Variants in RBPJ observed in about 807,000 individuals in gnomAD.
The protein encoded by RBPJ is recombination signal binding protein for immunoglobulin kappa J region.
RBPJ carries 9 observed loss-of-function variants against 67.8 expected under a neutral mutation model. The observed-to-expected ratio is 0.13, with a 90% CI of 0.08 to 0.23. RBPJ has a LOEUF of 0.23. Ranked by LOEUF, RBPJ falls within the 10% of genes least tolerant of loss-of-function variation. The pLI, the probability that RBPJ is intolerant of heterozygous loss-of-function variation, is 1.00. For missense variants in RBPJ, 305 were observed against 595.6 expected (o/e 0.51, Z 5.08); for synonymous variants, 198 against 203.3 (o/e 0.97, Z 0.22).
intron 1 of RBPJ, among the ~76,000 whole-genome samples, chr4:26,210,008 C>A (rs1394692524): frequency 6.6e-6 from 1 of 152,020 alleles, no homozygotes; most frequent in Non-Finnish European, 1.5e-5. Context: ...AACAATCTTG[C>A]CACCCTAAAA....
chr4:26,109,410 TCCTCTCTCTCTCTCCCTCTCTCTC>T, the RBPJ span, among the ~76,000 whole-genome samples: 1 of 76,400 alleles, frequency 1.3e-5, no homozygotes, highest in African/African-American at 4.7e-5. Context: ...CTGTCCACCT[TCCTCTCTCTCTCTCCCTCTCTCTC>T]TCTCTCTCTC....
intron 1 of RBPJ, among the ~76,000 whole-genome samples, chr4:26,242,444 C>T (rs1306844468): frequency 8.5e-6 from 1 of 117,880 alleles, no homozygotes; most frequent in African/African-American, 3.4e-5. Context: ...GAGACTCTGT[C>T]TCAAAAAAAA....
At chr4:26,416,436 C>T (rs1164484408) in intron 4 of RBPJ, among the ~76,000 whole-genome samples, 1 of 152,070 alleles carries the variant, frequency 6.6e-6, no homozygotes, top group Non-Finnish European at 1.5e-5. Context: ...CGCCATGTTA[C>T]CTAGGCTGGT....
chr4:26,186,949 A>G (rs1349127203), intron 1 of RBPJ, among the ~76,000 whole-genome samples: 1 of 152,136 alleles, frequency 6.6e-6, no homozygotes, highest in Non-Finnish European at 1.5e-5. Flanking sequence ...GGCCTGGCGC[A>G]GTGGACCACG....
chr4:26,214,428 AAAAG>A (rs556577717), intron 1 of RBPJ, among the ~76,000 whole-genome samples: 151 of 140,042 alleles, frequency 1.1e-3, no homozygotes, highest in Non-Finnish European at 1.8e-3. Flanking sequence ...AAGAAAGAGA[AAAAG>A]AGAGAGAAAG....
chr4:26,145,171 C>CTCGT, the RBPJ span, among the ~76,000 whole-genome samples: 50,692 of 151,736 alleles, frequency 0.33, 9,393 homozygotes, highest in East Asian at 0.53. Context: ...ATACAAGCTG[C>CTCGT]TCGTCCCAGA....
At chr4:26,377,716 A>T (rs912008389) in intron 1 of RBPJ, among the ~76,000 whole-genome samples, 3 of 152,136 alleles carry the variant, frequency 2.0e-5, no homozygotes, top group East Asian at 1.9e-4. Flanking sequence ...TTACTGAGAC[A>T]TTTTTTTCTG....
intron 1 of RBPJ, among the ~76,000 whole-genome samples, chr4:26,373,520 A>G (rs553698254): frequency 6.6e-6 from 1 of 152,356 alleles, no homozygotes; most frequent in South Asian, 2.1e-4. Flanking sequence ...TTGGCTGCTA[A>G]GAAATTGGCC....
intron 1 of RBPJ, among the ~76,000 whole-genome samples, chr4:26,218,901 C>T (rs1342897165): frequency 1.3e-5 from 2 of 152,184 alleles, no homozygotes; most frequent in African/African-American, 4.8e-5. Flanking sequence ...TACCCTGCCT[C>T]TCAGTACCAG....
intron 1 of RBPJ, among the ~76,000 whole-genome samples, chr4:26,265,110 T>C (rs1364037752): frequency 6.6e-6 from 1 of 152,198 alleles, no homozygotes; most frequent in Non-Finnish European, 1.5e-5. Context: ...AGTTTGTCAA[T>C]AATTTTCTTT....
chr4:26,346,719 C>T (rs905023860), intron 1 of RBPJ, among the ~76,000 whole-genome samples: 2 of 152,082 alleles, frequency 1.3e-5, no homozygotes, highest in Admixed American at 6.6e-5. Context: ...CCGGGCGCTG[C>T]GGCTCAGGAC....
At chr4:26,346,284 T>C (rs1726133292) in intron 1 of RBPJ, among the ~76,000 whole-genome samples, 1 of 152,198 alleles carries the variant, frequency 6.6e-6, no homozygotes, top group Admixed American at 6.5e-5. Context: ...AGGAAAAGAC[T>C]GGCGACTGCG....
chr4:26,357,334 G>A (rs767869641), intron 1 of RBPJ, among the ~76,000 whole-genome samples: 5 of 152,196 alleles, frequency 3.3e-5, no homozygotes, highest in Admixed American at 2.0e-4. Flanking sequence ...TCAAACTCAA[G>A]TAGTGTTACA....
the RBPJ span, among the ~76,000 whole-genome samples, chr4:26,122,007 A>G: frequency 2.6e-5 from 4 of 151,244 alleles, no homozygotes; most frequent in Non-Finnish European, 2.9e-5. Flanking sequence ...CATTCAAATG[A>G]TTACATTCTC....
At chr4:26,262,147 G>A (rs1720560073) in intron 1 of RBPJ, among the ~76,000 whole-genome samples, 2 of 151,958 alleles carry the variant, frequency 1.3e-5, no homozygotes, top group Non-Finnish European at 1.5e-5. Context: ...GTTTTGCCAT[G>A]TTGCCCAGGC....
chr4:26,214,639 GAA>G (rs140541150), intron 1 of RBPJ, among the ~76,000 whole-genome samples: 25 of 130,578 alleles, frequency 1.9e-4, no homozygotes, highest in Non-Finnish European at 3.4e-4. Flanking sequence ...GAAAGAAAAA[GAA>G]AAAAGAAAGA....
chr4:26,222,110 C>T lies in RBPJ; in HGVS notation c.-167+58496C>T, dbSNP rs567156184. Among the ~76,000 whole-genome samples, 15 of 152,346 alleles carry T rather than the reference C, an allele frequency of 9.8e-5. No individual in the cohort carries two copies. The South Asian group carries it at 3.1e-3, about 32-fold the overall frequency. On this transcript the variant is annotated intron_variant, in intron 1 of 4. Transcript: ENST00000512351. ...GATGACACTCCAGTGTGTCTCCTAT[C>T]TCCTATCTCAGGACATGTTGTAAAA...
chr4:26,277,935 C>A (rs1021400859), intron 1 of RBPJ, among the ~76,000 whole-genome samples: 2 of 152,126 alleles, frequency 1.3e-5, no homozygotes, highest in African/African-American at 4.8e-5. Context: ...CAATCAATGC[C>A]TTTTTTCCAA....
At chr4:26,118,097 C>A in the RBPJ span, among the ~76,000 whole-genome samples, 1 of 151,970 alleles carries the variant, frequency 6.6e-6, no homozygotes, top group East Asian at 1.9e-4. Context: ...CTTGCTTGAG[C>A]CAAAGCTATG....
Sources: allele counts gnomAD v4.1 joint callset (sites outside exome capture counted in the v4.1 genomes callset), GRCh38; gene constraint gnomAD v4.1.1; transcripts MANE v1.5; gene names NCBI Gene and HGNC (gene_info 2026-07-23, HGNC 2026-07-21).